Variants in RABGEF1 observed in about 807,000 individuals in gnomAD.
The protein encoded by RABGEF1 is RAB guanine nucleotide exchange factor 1.
A neutral mutation model predicts 57.3 loss-of-function variants in RABGEF1; 26 were observed. The ratio of observed to expected loss-of-function variants is 0.45; its 90% CI spans 0.33 to 0.63. The LOEUF is 0.63. RABGEF1 is among the 20% of genes least tolerant of loss of function. The pLI is 0.02. For synonymous variants in RABGEF1, 185 were observed against 210.7 expected, an observed-to-expected ratio of 0.88 and a Z score of 1.06; for missense variants, 464 against 607.6, an observed-to-expected ratio of 0.76 and a Z score of 2.48.
chr7:66,763,011 T>C (rs1804823856), intron 1 of RABGEF1, among the ~76,000 whole-genome samples: 1 of 152,194 alleles, frequency 6.6e-6, no homozygotes, highest in Admixed American at 6.5e-5. Flanking sequence ...TTTATTTTTA[T>C]TTTTTTAAGA....
intron 2 of RABGEF1, among the ~76,000 whole-genome samples, chr7:66,720,479 C>T (rs1795919977): frequency 6.7e-6 from 1 of 149,264 alleles, no homozygotes; most frequent in Admixed American, 6.7e-5. Context: ...ATTACAGGCA[C>T]GAGCTACTGT....
At chr7:66,735,476 T>C (rs879637987) in intron 2 of RABGEF1, among the ~76,000 whole-genome samples, 1 of 152,236 alleles carries the variant, frequency 6.6e-6, no homozygotes, top group Non-Finnish European at 1.5e-5. Context: ...GTTCCTCATC[T>C]GTAAAATGGA....
intron 2 of RABGEF1, among the ~76,000 whole-genome samples, chr7:66,735,702 T>C (rs1797870582): frequency 6.6e-6 from 1 of 152,194 alleles, no homozygotes; most frequent in South Asian, 2.1e-4. Flanking sequence ...CTCTTCCCTT[T>C]GCTATGGCCA....
intron 3 of RABGEF1, among the ~76,000 whole-genome samples, chr7:66,782,047 A>G (rs1209261500): frequency 1.3e-5 from 2 of 152,242 alleles, no homozygotes; most frequent in African/African-American, 4.8e-5. Flanking sequence ...AGAGTATTCC[A>G]TCATGACTAG....
At chr7:66,737,484 T>C (rs1798136131), upstream of RABGEF1, among the ~76,000 whole-genome samples, 1 of 152,024 alleles carries the variant, frequency 6.6e-6, no homozygotes, top group African/African-American at 2.4e-5. Context: ...TACCTTTAGA[T>C]CCGGATTTCG....
chr7:66,679,636 C>T (rs1562682525), upstream of RABGEF1, among the ~76,000 whole-genome samples: 1 of 151,016 alleles, frequency 6.6e-6, no homozygotes, highest in Non-Finnish European at 1.5e-5. Flanking sequence ...TTTGTCTTAA[C>T]CTTCACAAGG....
chr7:66,752,676 A>G lies in RABGEF1; in HGVS notation c.-18+11884A>G, dbSNP rs547356094. Among the ~76,000 whole-genome samples the G allele has an allele frequency of 7.7e-4, 117 of 152,282 alleles. 1 individual carries two copies. The South Asian group carries it at 0.024, about 31-fold the overall frequency. On this transcript the variant is annotated intron_variant, in intron 1 of 8. Coordinates refer to ENST00000284957, the MANE Select transcript of RABGEF1 (RefSeq NM_014504.3). Reference sequence around the variant, plus strand: ...GTAGTTCCTAGCAGTATCACCTGGAAACTTGTTAAATTCGAATTCTCAGGC... The same window carrying G: ...GTAGTTCCTAGCAGTATCACCTGGAGACTTGTTAAATTCGAATTCTCAGGC...
chr7:66,739,122 G>A (rs183750571), upstream of RABGEF1, among the ~76,000 whole-genome samples: 257 of 151,772 alleles, frequency 1.7e-3, no homozygotes, highest in African/African-American at 5.9e-3. Context: ...GGCTAATTTT[G>A]TATTTTTAGT....
the RABGEF1 span, among the ~76,000 whole-genome samples, chr7:66,661,163 G>A: frequency 4.0e-3 from 612 of 152,174 alleles, 6 homozygotes; most frequent in East Asian, 0.026. Context: ...GCCAGGCGCA[G>A]TGGCGGGCAC....
chr7:66,746,864 C>G lies in RABGEF1; in HGVS notation c.-18+6072C>G, dbSNP rs574554843. 6.6e-5 allele frequency among the ~76,000 whole-genome samples: 10 copies of G among 152,072 alleles called. No homozygotes were observed. The East Asian group carries it at 1.9e-3, about 30-fold the overall frequency. On this transcript the variant is annotated intron_variant, in intron 1 of 8. Transcript: ENST00000284957. ...CTGGAGTGCAATAGTGCGATCTTGG[C>G]TTACTACAACCTCTGCCTCCTGGGT...
chr7:66,784,518 C>A (rs1370147055), intron 4 of RABGEF1, among the ~76,000 whole-genome samples: 1 of 152,192 alleles, frequency 6.6e-6, no homozygotes, highest in African/African-American at 2.4e-5. Flanking sequence ...GGGATTAATT[C>A]TGTTGTAACA....
chr7:66,664,964 G>T, the RABGEF1 span, among the ~76,000 whole-genome samples: 3 of 152,220 alleles, frequency 2.0e-5, no homozygotes, highest in Admixed American at 6.5e-5. Context: ...ACGGCAGGTG[G>T]CTTCTAGGCC....
chr7:66,695,937 G>T (rs1792258259), intron 1 of RABGEF1, among the ~76,000 whole-genome samples: 1 of 150,892 alleles, frequency 6.6e-6, no homozygotes, highest in Non-Finnish European at 1.5e-5. Flanking sequence ...CCGTACTTCA[G>T]CGTGGGTAAC....
chr7:66,660,813 C>T, the RABGEF1 span, among the ~76,000 whole-genome samples: 2 of 152,210 alleles, frequency 1.3e-5, no homozygotes, highest in African/African-American at 4.8e-5. Context: ...GGAGGAAATA[C>T]TTTCTAACTC....
chr7:66,773,482 A>G (rs1807718589), intron 2 of RABGEF1, among the ~76,000 whole-genome samples: 1 of 152,118 alleles, frequency 6.6e-6, no homozygotes, highest in Non-Finnish European at 1.5e-5. Flanking sequence ...ACCCTGCTAA[A>G]TCTCTCGGAA....
At chr7:66,681,530 T>C (rs946465180), upstream of RABGEF1, among the ~76,000 whole-genome samples, 1 of 151,982 alleles carries the variant, frequency 6.6e-6, no homozygotes, top group South Asian at 2.1e-4. Flanking sequence ...TCCCCAGTAG[T>C]TGGGACCACA....
intron 6 of RABGEF1, among the ~76,000 whole-genome samples, chr7:66,798,428 T>C (rs1786526570): frequency 6.6e-6 from 1 of 152,160 alleles, no homozygotes; most frequent in Non-Finnish European, 1.5e-5. Flanking sequence ...ATTGGAAGTT[T>C]CATAGCTGAA....
Position 66,810,417 on chromosome 7 carries a change from A to G in RABGEF1, c.*1133A>G, listed in dbSNP as rs1379182967. On this transcript the variant is annotated 3_prime_UTR_variant, in exon 9 of 9. Transcript: ENST00000284957. ...GAGCTGTGAAAAATTCTCTCCAGAC[A>G]TAGTCAGATGTCTCCTGGGGCCATA... 3 of 152,172 alleles carry G rather than the reference A, an allele frequency of 2.0e-5. No homozygotes were observed. Among genetic ancestry groups the G allele is most frequent in the African/African-American group, 7.2e-5 (3 of 41,442 alleles). The allele number at this position is 152,172 out of a possible 1,614,324, so 9.4% of individuals were successfully genotyped here.
intron 1 of RABGEF1, among the ~76,000 whole-genome samples, chr7:66,700,487 C>CGGAGGGGGAGGAGGATAGTTGGGG (rs35510019): frequency 2.9e-5 from 4 of 137,200 alleles, no homozygotes; most frequent in Admixed American, 2.9e-4. Context: ...AAGCGGGCCC[C>CGGAGGGGGAGGAGGATAGTTGGGG]GGAGGGGGAG....
Sources: allele counts gnomAD v4.1 joint callset (sites outside exome capture counted in the v4.1 genomes callset), GRCh38; gene constraint gnomAD v4.1.1; transcripts MANE v1.5; gene names NCBI Gene and HGNC (gene_info 2026-07-23, HGNC 2026-07-21).